TLK2: variants seen among roughly 807,000 people sequenced by gnomAD.
The protein encoded by TLK2 is tousled like kinase 2.
TLK2 carries 6 observed loss-of-function variants against 117.3 expected under a neutral mutation model. That is an observed-to-expected ratio of 0.05 (90% confidence interval 0.03 to 0.10). The LOEUF (loss-of-function observed/expected upper bound fraction) is 0.10, where lower values mean the gene tolerates loss of function less well. TLK2 is among the 10% of genes least tolerant of loss of function. TLK2 has a pLI of 1.00. For synonymous variants in TLK2, 257 were observed against 316.7 expected (o/e 0.81, Z 2.00); for missense variants, 299 against 901.2 (o/e 0.33, Z 8.56).
chr17:62,509,153 A>G (rs1229452424), intron 2 of TLK2, among the ~76,000 whole-genome samples: 1 of 152,138 alleles, frequency 6.6e-6, no homozygotes, highest in East Asian at 1.9e-4. Flanking sequence ...CAATGGTACA[A>G]ACATAGCTCA....
chr17:62,581,780 G>A (rs534761283), intron 15 of TLK2, among the ~76,000 whole-genome samples: 2 of 152,156 alleles, frequency 1.3e-5, no homozygotes, highest in East Asian at 3.9e-4. Flanking sequence ...TTTATAAGTA[G>A]GATTGGCCCA....
intron 7 of TLK2, among the ~76,000 whole-genome samples, chr17:62,545,810 C>T (rs561185194): frequency 6.6e-6 from 1 of 152,142 alleles, no homozygotes; most frequent in Non-Finnish European, 1.5e-5. Context: ...TCAAGCCATC[C>T]TCCCACCTCA....
upstream of TLK2, among the ~76,000 whole-genome samples, chr17:62,473,994 C>A (rs189494290): frequency 2.0e-5 from 3 of 152,286 alleles, no homozygotes; most frequent in East Asian, 5.8e-4. Flanking sequence ...CTTCTGGGCT[C>A]AAGTGATCTC....
At chr17:62,496,061 T>C (rs2073647929) in intron 2 of TLK2, among the ~76,000 whole-genome samples, 1 of 152,156 alleles carries the variant, frequency 6.6e-6, no homozygotes, top group South Asian at 2.1e-4. Flanking sequence ...TTCTCCCTTA[T>C]CCACCTGGTT....
chr17:62,579,522 G>A (rs1302039694), intron 14 of TLK2, among the ~76,000 whole-genome samples: 1 of 152,054 alleles, frequency 6.6e-6, no homozygotes, highest in Non-Finnish European at 1.5e-5. Flanking sequence ...CAGGAACTAG[G>A]TAAAAATATT....
chr17:62,612,376 A>G lies in TLK2; in HGVS notation c.2080-16A>G. On this transcript the variant is annotated splice_polypyrimidine_tract_variant and intron_variant, in intron 21 of 21. Transcript: ENST00000346027. ...AAGACTATCTGCCTCTGTCTTCAAG[A>G]AACTCTCCTTTGCAGGCGTTTATTC... 6.2e-7 allele frequency: 1 copy of G among 1,610,204 alleles called. No homozygotes were observed. The highest frequency in any genetic ancestry group is 8.5e-7 in the Non-Finnish European group (1 of 1,177,824).
chr17:62,488,308 A>T (rs1200575638), intron 2 of TLK2, among the ~76,000 whole-genome samples: 1 of 152,218 alleles, frequency 6.6e-6, no homozygotes, highest in Admixed American at 6.5e-5. Context: ...TTGACTTCTG[A>T]AAAGGTATTT....
intron 2 of TLK2, among the ~76,000 whole-genome samples, chr17:62,488,289 A>G (rs952624147): frequency 6.6e-6 from 1 of 152,214 alleles, no homozygotes; most frequent in Non-Finnish European, 1.5e-5. Context: ...ATCACATTAT[A>G]TAATCAAATT....
rs560528876 is a variant in TLK2 at position 62,590,097 on chromosome 17, G to T, written c.1460+3871G>T. On this transcript the variant is annotated intron_variant, in intron 16 of 21. Coordinates refer to ENST00000346027, the MANE Select transcript of TLK2 (RefSeq NM_006852.6). ...GCTGGGATTACAGGCATGAGCCACC[G>T]TGCCCGGCCTTTAACCTTGAAAAAA... Among the ~76,000 whole-genome samples, 23 of 147,216 alleles carry T rather than the reference G, an allele frequency of 1.6e-4. No individual in the cohort carries two copies. The South Asian group carries it at 4.8e-3, about 31-fold the overall frequency.
intron 16 of TLK2, among the ~76,000 whole-genome samples, chr17:62,593,484 TCTTTC>T (rs1476392154): frequency 6.6e-6 from 1 of 152,242 alleles, no homozygotes; most frequent in Non-Finnish European, 1.5e-5. Flanking sequence ...GAAAATATTT[TCTTTC>T]CTTGTATCCT....
chr17:62,497,884 T>C (rs545152079), intron 2 of TLK2, among the ~76,000 whole-genome samples: 6 of 152,288 alleles, frequency 3.9e-5, no homozygotes, highest in South Asian at 2.1e-4. Context: ...TTAGTAGATA[T>C]GGGGTTTTAC....
chr17:62,475,309 C>T (rs1567746936), upstream of TLK2, among the ~76,000 whole-genome samples: 1 of 151,798 alleles, frequency 6.6e-6, no homozygotes, highest in African/African-American at 2.4e-5. Context: ...CACAGATGCC[C>T]CACCTGTTCT....
chr17:62,598,928 A>G (rs1442676708), intron 17 of TLK2, among the ~76,000 whole-genome samples: 1 of 151,500 alleles, frequency 6.6e-6, no homozygotes, highest in Non-Finnish European at 1.5e-5. Context: ...GAATCTATAA[A>G]TTTCAGACAT....
intron 8 of TLK2, 39 bp downstream of exon 8, chr17:62,552,436 G>A (rs761055106): frequency 6.2e-7 from 1 of 1,613,980 alleles, no homozygotes. Flanking sequence ...GGGCATACCT[G>A]CTGTGTAGGA....
intron 18 of TLK2, among the ~76,000 whole-genome samples, chr17:62,601,437 A>C (rs2082867535): frequency 6.6e-6 from 1 of 152,228 alleles, no homozygotes; most frequent in African/African-American, 2.4e-5. Context: ...GCAAAATTGT[A>C]AACTTTGCTT....
chr17:62,575,643 C>A (rs181744966), intron 12 of TLK2, among the ~76,000 whole-genome samples: 1 of 152,224 alleles, frequency 6.6e-6, no homozygotes, highest in African/African-American at 2.4e-5. Flanking sequence ...ACTTGTTCAT[C>A]TTTTTTTCTT....
chr17:62,495,885 C>T (rs1402499223), intron 2 of TLK2, among the ~76,000 whole-genome samples: 5 of 151,418 alleles, frequency 3.3e-5, no homozygotes, highest in African/African-American at 9.7e-5. Flanking sequence ...GCTTTGGTCT[C>T]GAACTCCTGA....
chr17:62,529,348 T>G (rs1221481712), intron 6 of TLK2, among the ~76,000 whole-genome samples: 1 of 152,168 alleles, frequency 6.6e-6, no homozygotes, highest in Non-Finnish European at 1.5e-5. Context: ...GTGATTCTTG[T>G]GCCTCAGCCT....
chr17:62,578,606 A>C, intron 14 of TLK2, 32 bp downstream of exon 14: 1 of 1,502,340 alleles, frequency 6.7e-7, no homozygotes, highest in Non-Finnish European at 9.3e-7. Flanking sequence ...TGGGTTGGAG[A>C]TTGCTAAGCA....
Sources: allele counts gnomAD v4.1 joint callset (sites outside exome capture counted in the v4.1 genomes callset), GRCh38; gene constraint gnomAD v4.1.1; transcripts MANE v1.5; gene names NCBI Gene and HGNC (gene_info 2026-07-23, HGNC 2026-07-21).